ROR2: variants seen among roughly 807,000 people sequenced by gnomAD.
The protein encoded by ROR2 is ROR family WNT receptor 2.
In ROR2, 33 loss-of-function variants were observed where a neutral mutation model predicts 74.9. The observed-to-expected ratio is 0.44, with a 90% confidence interval of 0.33 to 0.59. The LOEUF (loss-of-function observed/expected upper bound fraction) is 0.59. Among genes scored for constraint, ROR2 ranks in the 20% least tolerant of loss-of-function variants. ROR2 has a pLI of 0.02. For synonymous variants in ROR2, 586 were observed against 558.7 expected, an observed-to-expected ratio of 1.05 and a Z score of -0.69; for missense variants, 1,216 against 1,313.8, an observed-to-expected ratio of 0.93 and a Z score of 1.15.
At chr9:91,886,090 G>A (rs888677048) in intron 1 of ROR2, among the ~76,000 whole-genome samples, 9 of 151,906 alleles carry the variant, frequency 5.9e-5, no homozygotes, top group Non-Finnish European at 1.3e-4. Context: ...GGTCAGGCTC[G>A]TCTCGAACTC....
rs199565002 is a variant in ROR2 at position 91,733,465 on chromosome 9, G to C, written c.623-29C>G. The C allele has an allele frequency of 2.5e-6, 4 of 1,599,798 alleles. No homozygotes were observed. Among genetic ancestry groups the C allele is most frequent in the African/African-American group, 1.3e-5 (1 of 74,742 alleles). ...CAGAGCCCGCGAGACTCGCGTTAGC[G>C]GGGGACCCACCTTGCGCCCTTGACA... On this transcript the variant is annotated intron_variant, in intron 5 of 8. Transcript: ENST00000375708. The surrounding 1 kb of genome is among the most constrained non-coding windows in gnomAD (Gnocchi z 5.7).
chr9:91,914,818 G>A (rs1188980040), intron 1 of ROR2, among the ~76,000 whole-genome samples: 1 of 152,126 alleles, frequency 6.6e-6, no homozygotes, highest in Non-Finnish European at 1.5e-5. Flanking sequence ...CTGAACAGGA[G>A]CACAAAGGAG....
intron 1 of ROR2, among the ~76,000 whole-genome samples, chr9:91,831,269 A>C (rs1271014767): frequency 1.4e-5 from 2 of 140,542 alleles, no homozygotes; most frequent in Non-Finnish European, 3.0e-5. Context: ...TCTCAAAAAA[A>C]CAAAAAAAAA....
intron 1 of ROR2, among the ~76,000 whole-genome samples, chr9:91,857,751 C>A (rs943311479): frequency 5.9e-5 from 9 of 152,166 alleles, no homozygotes; most frequent in Non-Finnish European, 1.2e-4. Context: ...CAGCTCCCAG[C>A]GATCAATCTC....
At chr9:91,809,942 A>G (rs1028957996) in intron 1 of ROR2, among the ~76,000 whole-genome samples, 1 of 152,230 alleles carries the variant, frequency 6.6e-6, no homozygotes, top group Non-Finnish European at 1.5e-5. Flanking sequence ...CCTCTCTCAC[A>G]CGTCATTTGT....
chr9:91,765,510 T>C (rs757248986), intron 2 of ROR2, among the ~76,000 whole-genome samples: 4 of 152,198 alleles, frequency 2.6e-5, no homozygotes, highest in Non-Finnish European at 5.9e-5. Context: ...CCAAGTTTTA[T>C]CTTAACTTTT....
chr9:91,817,037 G>T (rs1234406617), intron 1 of ROR2, among the ~76,000 whole-genome samples: 1 of 152,198 alleles, frequency 6.6e-6, no homozygotes, highest in Non-Finnish European at 1.5e-5. Flanking sequence ...GATATAGACT[G>T]CCTGTGGGGA....
chr9:91,809,569 C>T (rs1307640446), intron 1 of ROR2, among the ~76,000 whole-genome samples: 7 of 152,394 alleles, frequency 4.6e-5, no homozygotes, highest in African/African-American at 1.7e-4. Context: ...GTGCAGCCCA[C>T]GCAGTTAGCA....
intron 1 of ROR2, among the ~76,000 whole-genome samples, chr9:91,849,833 T>C (rs1437101600): frequency 1.3e-5 from 2 of 152,226 alleles, no homozygotes; most frequent in Non-Finnish European, 1.5e-5. Flanking sequence ...GTTTTGAACA[T>C]GTTGTTTGGC....
intron 1 of ROR2, among the ~76,000 whole-genome samples, chr9:91,853,686 C>T (rs1164472656): frequency 6.6e-6 from 1 of 152,154 alleles, no homozygotes; most frequent in African/African-American, 2.4e-5. Context: ...CAACAGGACA[C>T]GTCCCACTCG....
chr9:91,824,219 AAAC>A (rs969264550), intron 1 of ROR2, among the ~76,000 whole-genome samples: 47 of 152,366 alleles, frequency 3.1e-4, no homozygotes, highest in African/African-American at 1.1e-3. Context: ...TCAGGCAGGT[AAAC>A]AAATGCTCAG....
At chr9:91,772,383 G>A (rs1483249188) in intron 2 of ROR2, among the ~76,000 whole-genome samples, 3 of 152,138 alleles carry the variant, frequency 2.0e-5, no homozygotes, top group South Asian at 2.1e-4. Flanking sequence ...CTTTCATCCC[G>A]CCTATGCTGG....
intron 1 of ROR2, among the ~76,000 whole-genome samples, chr9:91,886,285 T>C (rs967039496): frequency 2.6e-5 from 4 of 152,100 alleles, no homozygotes; most frequent in Admixed American, 6.5e-5. Flanking sequence ...ACAGCCCAGA[T>C]TGTTGGAGCC....
chr9:91,771,066 G>C (rs1271043945), intron 2 of ROR2, among the ~76,000 whole-genome samples: 1 of 152,194 alleles, frequency 6.6e-6, no homozygotes, highest in Non-Finnish European at 1.5e-5. Context: ...GCAGGGAACA[G>C]CCTAGTAACC....
At chr9:91,755,941 CT>C in intron 4 of ROR2, 129 bp downstream of exon 4, 1 of 916,878 alleles carries the variant, frequency 1.1e-6, no homozygotes, top group Non-Finnish European at 1.8e-6. Context: ...GTGGCCACCC[CT>C]GTGTGAAGCC....
rs924080555 is a variant in ROR2 at position 91,905,499 on chromosome 9, C to T, written c.97+44368G>A. The stretch of plus-strand genomic sequence containing the variant: ...AAAGACACAACACATACCACATACA[C>T]GACATACACAGACATCACACACTAC... On this transcript the variant is annotated intron_variant, in intron 1 of 8. Coordinates refer to ENST00000375708, the MANE Select transcript of ROR2 (RefSeq NM_004560.4). The surrounding 1 kb of genome is among the most constrained non-coding windows in gnomAD (Gnocchi z 5.3). Among the ~76,000 whole-genome samples, 3 of 151,782 alleles carry T rather than the reference C, an allele frequency of 2.0e-5. No individual in the cohort carries two copies. The South Asian group carries it at 6.3e-4, about 32-fold the overall frequency.
chr9:91,896,800 T>C (rs1830548392), intron 1 of ROR2, among the ~76,000 whole-genome samples: 1 of 152,232 alleles, frequency 6.6e-6, no homozygotes, highest in Admixed American at 6.5e-5. Flanking sequence ...ATTTTTCTTA[T>C]TACTTTCTAA....
At chr9:91,848,581 C>G (rs566520767) in intron 1 of ROR2, among the ~76,000 whole-genome samples, 1 of 151,910 alleles carries the variant, frequency 6.6e-6, no homozygotes, top group Non-Finnish European at 1.5e-5. Context: ...GCCAACATGG[C>G]GAAACACTAC....
intron 1 of ROR2, among the ~76,000 whole-genome samples, chr9:91,841,448 C>G (rs530273493): frequency 6.6e-6 from 1 of 152,336 alleles, no homozygotes; most frequent in African/African-American, 2.4e-5. Flanking sequence ...AAGTCACAGC[C>G]AAAGCTGCAG....
Sources: allele counts gnomAD v4.1 joint callset (sites outside exome capture counted in the v4.1 genomes callset), GRCh38; gene constraint gnomAD v4.1.1; non-coding constraint Gnocchi (gnomAD v3.1); transcripts MANE v1.5; gene names NCBI Gene and HGNC (gene_info 2026-07-23, HGNC 2026-07-21).